Variants in LYRM4 observed in about 807,000 individuals in gnomAD.
LYRM4 encodes LYR motif-containing protein 4.
Under a neutral mutation model 11.7 loss-of-function variants are expected in LYRM4, and 9 were observed. The observed-to-expected ratio is 0.77, with a 90% CI of 0.46 to 1.34. The LOEUF is 1.34. Ranked by LOEUF, LYRM4 falls within the 40% of genes most tolerant of loss-of-function variation. LYRM4 has a pLI of 0.00. For synonymous variants in LYRM4, 42 were observed against 40.4 expected, an observed-to-expected ratio of 1.04 and a Z score of -0.15; for missense variants, 133 against 112.5, an observed-to-expected ratio of 1.18 and a Z score of -0.82.
At chr6:5,093,766 T>C in the LYRM4 span, among the ~76,000 whole-genome samples, 2 of 152,216 alleles carry the variant, frequency 1.3e-5, no homozygotes, top group African/African-American at 4.8e-5. Flanking sequence ...TTTGGGACTG[T>C]AGGGCAAGGG....
the LYRM4 span, chr6:5,085,466 G>A: frequency 6.6e-7 from 1 of 1,518,326 alleles, no homozygotes; most frequent in Non-Finnish European, 8.8e-7. Flanking sequence ...GCCCGAGCAA[G>A]TCCAGGGGCG....
intron 2 of LYRM4, among the ~76,000 whole-genome samples, chr6:5,114,180 A>G (rs1213837054): frequency 1.3e-5 from 2 of 152,176 alleles, no homozygotes; most frequent in Non-Finnish European, 2.9e-5. Flanking sequence ...TGGAATATGA[A>G]CTTGATAGCT....
At chr6:5,048,290 GGTGTGTGTGTGTGT>G in the LYRM4 span, among the ~76,000 whole-genome samples, 670 of 140,056 alleles carry the variant, frequency 4.8e-3, 9 homozygotes, top group African/African-American at 0.016. Context: ...GACACTTTGT[GGTGTGTGTGTGTGT>G]GTGTGTGTGT....
chr6:5,070,619 T>G, the LYRM4 span, among the ~76,000 whole-genome samples: 1 of 152,126 alleles, frequency 6.6e-6, no homozygotes, highest in Non-Finnish European at 1.5e-5. Flanking sequence ...TTTACACCTG[T>G]AATCCCAGCA....
At chr6:5,090,015 G>GACACACACACACACACACACAC in the LYRM4 span, among the ~76,000 whole-genome samples, 535 of 149,736 alleles carry the variant, frequency 3.6e-3, 2 homozygotes, top group African/African-American at 7.7e-3. This position sits in a 1 kb window ranked among gnomAD's most constrained non-coding sequence, Gnocchi z 4.8. Flanking sequence ...CTGAAAGGAA[G>GACACACACACACACACACACAC]ACACACACAC....
intron 2 of LYRM4, among the ~76,000 whole-genome samples, chr6:5,131,945 C>A (rs1763973378): frequency 1.4e-5 from 2 of 142,890 alleles, no homozygotes; most frequent in Admixed American, 7.2e-5. Context: ...CCCTGACTTA[C>A]GCCTTTATCT....
chr6:5,139,789 T>C (rs552661768), intron 2 of LYRM4, among the ~76,000 whole-genome samples: 12 of 152,112 alleles, frequency 7.9e-5, no homozygotes, highest in African/African-American at 2.2e-4. Context: ...TGCCTATAAT[T>C]TTTCTTCCAG....
intron 2 of LYRM4, among the ~76,000 whole-genome samples, chr6:5,171,802 C>T (rs917656158): frequency 6.6e-6 from 1 of 152,180 alleles, no homozygotes; most frequent in African/African-American, 2.4e-5. Flanking sequence ...CCTGTTTTAT[C>T]AAACATGGCA....
chr6:5,090,370 A>G, the LYRM4 span, among the ~76,000 whole-genome samples: 1 of 152,162 alleles, frequency 6.6e-6, no homozygotes, highest in South Asian at 2.1e-4. This position sits in a 1 kb window ranked among gnomAD's most constrained non-coding sequence, Gnocchi z 4.8. Context: ...CTCCCCGGGA[A>G]GCTTCCGGTT....
chr6:5,086,539 G>A, the LYRM4 span: 18 of 1,528,618 alleles, frequency 1.2e-5, no homozygotes, highest in Non-Finnish European at 1.6e-5. Flanking sequence ...GCTGCGCTAC[G>A]CGCGCCCTGC....
chr6:5,091,816 A>G, the LYRM4 span, among the ~76,000 whole-genome samples: 1 of 152,224 alleles, frequency 6.6e-6, no homozygotes, highest in Admixed American at 6.5e-5. Flanking sequence ...CAAACCACGC[A>G]TATACATATG....
chr6:5,096,693 T>C, the LYRM4 span, among the ~76,000 whole-genome samples: 225 of 152,316 alleles, frequency 1.5e-3, no homozygotes, highest in African/African-American at 5.2e-3. Flanking sequence ...TGAGTTTTCA[T>C]GCTTGCAAAA....
chr6:5,093,391 G>A, the LYRM4 span, among the ~76,000 whole-genome samples: 1 of 152,268 alleles, frequency 6.6e-6, no homozygotes, highest in Admixed American at 6.5e-5. Flanking sequence ...AGTGGAGGGG[G>A]ATGGAACGCC....
the LYRM4 span, among the ~76,000 whole-genome samples, chr6:5,071,630 A>G: frequency 2.6e-5 from 4 of 151,576 alleles, no homozygotes; most frequent in Non-Finnish European, 4.4e-5. Context: ...GTATATATAT[A>G]TGTGTATGTG....
chr6:5,168,794 GCTT>G (rs751974710), intron 2 of LYRM4, among the ~76,000 whole-genome samples: 8 of 152,152 alleles, frequency 5.3e-5, no homozygotes, highest in East Asian at 3.8e-4. Flanking sequence ...ACGAGAACAC[GCTT>G]CTTCTTAGGA....
At chr6:5,213,192 C>A (rs1762075522) in intron 2 of LYRM4, among the ~76,000 whole-genome samples, 1 of 152,230 alleles carries the variant, frequency 6.6e-6, no homozygotes, top group South Asian at 2.1e-4. Context: ...AAGACCTGAG[C>A]TCACGCCTGG....
chr6:5,256,491 G>GAAAAAAAAAAAAAAAA (rs1161084364), intron 1 of LYRM4, among the ~76,000 whole-genome samples: 1 of 43,860 alleles, frequency 2.3e-5, no homozygotes, highest in Non-Finnish European at 3.6e-5. Flanking sequence ...ATTTCAACTG[G>GAAAAAAAAAAAAAAAA]AAAAAAAAAA....
chr6:5,138,659 C>T (rs1259415950), intron 2 of LYRM4: 6 of 1,386,828 alleles, frequency 4.3e-6, no homozygotes, highest in South Asian at 3.8e-5. Context: ...TTCTAACATG[C>T]TCCCCACTGA....
intron 1 of LYRM4, chr6:5,236,302 T>C (rs1357945640): frequency 1.3e-5 from 2 of 151,300 alleles, no homozygotes; most frequent in African/African-American, 4.9e-5. Flanking sequence ...CCGTCTCTAT[T>C]AAAAATATAA....
Sources: allele counts gnomAD v4.1 joint callset (sites outside exome capture counted in the v4.1 genomes callset), GRCh38; gene constraint gnomAD v4.1.1; non-coding constraint Gnocchi (gnomAD v3.1); transcripts MANE v1.5; gene names NCBI Gene and HGNC (gene_info 2026-07-23, HGNC 2026-07-21).